Variants in EPHA5 observed in about 807,000 individuals in gnomAD.
The protein encoded by EPHA5 is ephrin type-A receptor 5.
A neutral mutation model predicts 105.0 loss-of-function variants in EPHA5; 60 were observed. The observed-to-expected ratio is 0.57, with a 90% CI of 0.46 to 0.71. The LOEUF (loss-of-function observed/expected upper bound fraction) is 0.71. EPHA5 is among the 30% of genes least tolerant of loss of function. The pLI, the probability that EPHA5 is intolerant of heterozygous loss-of-function variation, is 0.00. For missense variants in EPHA5, 1,218 were observed against 1,274.7 expected (o/e 0.96, Z 0.68); for synonymous variants, 513 against 449.1 (o/e 1.14, Z -1.80).
chr4:65,490,709 G>T lies in EPHA5; in HGVS notation c.1070C>A (p.Pro357His), dbSNP rs1321339471. 1.2e-6 allele frequency: 2 copies of T among 1,611,974 alleles called. No homozygotes were observed. Among genetic ancestry groups the T allele is most frequent in the Non-Finnish European group, 1.7e-6 (2 of 1,178,310 alleles). The part of the protein sequence containing the change: ...SDPPTMACTR[P>H]PSAPRNAISN... ...GATGGCATTCCGAGGAGCAGAGGGGGGTCCTGGTTTACAAAGTAAAGTAAG... is the reference window on the plus strand; with the variant it reads ...GATGGCATTCCGAGGAGCAGAGGGGTGTCCTGGTTTACAAAGTAAAGTAAG... The change falls in exon 5 of 17, where the codon CCC (proline) becomes CAC (histidine). Residue 357 changes from proline (P) to histidine (H), a missense_variant. Physicochemically the swap from Pro to His is moderately conservative, Grantham distance 77. Around this residue, in one of 3 missense-constraint regions of EPHA5, gnomAD observed 971 missense variants for 1,013.5 expected, o/e 0.96. Transcript: ENST00000613740.
At position 65,324,062 on chromosome 4, in the gene EPHA5, C is replaced by G. The variant is rs1037725476; in HGVS notation, c.*52G>C. 8.6e-7 allele frequency: 1 copy of G among 1,168,642 alleles called. No homozygotes were observed. Among genetic ancestry groups the G allele is most frequent in the Non-Finnish European group, 1.3e-6 (1 of 784,162 alleles). The allele number at this position is 1,168,642 out of a possible 1,614,324, so 72.4% of individuals were successfully genotyped here. A position where few individuals can be genotyped will look rare whatever the true frequency, so the allele number is the denominator to read the frequency against. On this transcript the variant is annotated 3_prime_UTR_variant, in exon 17 of 17. Coordinates refer to ENST00000613740, the MANE Select transcript of EPHA5 (RefSeq NM_001281766.3). ...TTTTTTGTTAAAATAAATCTCAGTGCTGTTTACAAAGTGCAGAATCATTCA... is the reference window on the plus strand; with the variant it reads ...TTTTTTGTTAAAATAAATCTCAGTGGTGTTTACAAAGTGCAGAATCATTCA...
chr4:65,596,968 A>G (rs755772099), intron 3 of EPHA5, among the ~76,000 whole-genome samples: 22 of 152,188 alleles, frequency 1.4e-4, no homozygotes, highest in Non-Finnish European at 2.8e-4. Flanking sequence ...ATGCACCAGA[A>G]GTACGAATGA....
intron 2 of EPHA5, among the ~76,000 whole-genome samples, chr4:65,627,750 A>G (rs1484560495): frequency 1.3e-5 from 2 of 152,150 alleles, no homozygotes; most frequent in African/African-American, 2.4e-5. Context: ...CCACACTTCA[A>G]TTATTCATCT....
chr4:65,447,911 T>C (rs776634056), intron 5 of EPHA5, among the ~76,000 whole-genome samples: 12 of 151,772 alleles, frequency 7.9e-5, no homozygotes, highest in East Asian at 1.9e-4. Context: ...CTAACAAAAG[T>C]GTCAAAAGAA....
chr4:65,390,492 C>A (rs938025556), intron 8 of EPHA5, among the ~76,000 whole-genome samples: 1 of 151,904 alleles, frequency 6.6e-6, no homozygotes, highest in Admixed American at 6.6e-5. Flanking sequence ...TTTCTAGGAC[C>A]GGAGAGTATA....
intron 3 of EPHA5, chr4:65,573,963 C>T (rs1273164700): frequency 1.9e-6 from 3 of 1,581,270 alleles, no homozygotes; most frequent in Non-Finnish European, 2.6e-6. Flanking sequence ...CCTGAAGCAG[C>T]TGGCTAGTGG....
chr4:65,537,349 C>A (rs1320157265), intron 3 of EPHA5, among the ~76,000 whole-genome samples: 1 of 151,504 alleles, frequency 6.6e-6, no homozygotes, highest in African/African-American at 2.4e-5. Flanking sequence ...AAAATTACAC[C>A]ACATAGAAAA....
intron 2 of EPHA5, among the ~76,000 whole-genome samples, chr4:65,631,617 G>A (rs1746635329): frequency 6.6e-6 from 1 of 151,912 alleles, no homozygotes; most frequent in Non-Finnish European, 1.5e-5. Flanking sequence ...TATGGGTCAG[G>A]TATTGTGCTG....
At chr4:65,540,271 G>T (rs10015929) in intron 3 of EPHA5, among the ~76,000 whole-genome samples, 17,759 of 151,444 alleles carry the variant, frequency 0.12, 1,508 homozygotes, top group East Asian at 0.3. Flanking sequence ...ATATGCACAT[G>T]AAAACTTATT....
chr4:65,599,767 T>A (rs1394397855), intron 3 of EPHA5, among the ~76,000 whole-genome samples: 6 of 152,178 alleles, frequency 3.9e-5, no homozygotes, highest in Admixed American at 3.3e-4. Context: ...CAATTAAGGT[T>A]CTACTTTTCA....
chr4:65,567,862 G>T (rs1055405802), intron 3 of EPHA5, among the ~76,000 whole-genome samples: 17 of 151,360 alleles, frequency 1.1e-4, no homozygotes, highest in African/African-American at 3.9e-4. Context: ...CAGACTTATA[G>T]TCATCCTTTA....
At chr4:65,641,925 A>G (rs906075831) in intron 2 of EPHA5, among the ~76,000 whole-genome samples, 2 of 152,134 alleles carry the variant, frequency 1.3e-5, no homozygotes, top group Admixed American at 1.3e-4. Context: ...TTTATAAAGC[A>G]ATTAATTGTT....
At chr4:65,652,723 T>A (rs1402897498) in intron 1 of EPHA5, among the ~76,000 whole-genome samples, 1 of 152,138 alleles carries the variant, frequency 6.6e-6, no homozygotes, top group African/African-American at 2.4e-5. Context: ...AGCATCACCA[T>A]AATGCTTCAA....
intron 3 of EPHA5, among the ~76,000 whole-genome samples, chr4:65,583,686 G>C (rs906601595): frequency 6.6e-6 from 1 of 151,532 alleles, no homozygotes; most frequent in Non-Finnish European, 1.5e-5. Flanking sequence ...AATGTGGTCC[G>C]GCACTTTTCC....
chr4:65,391,978 C>T (rs534014798), intron 8 of EPHA5, among the ~76,000 whole-genome samples: 46 of 152,048 alleles, frequency 3.0e-4, no homozygotes, highest in Non-Finnish European at 5.6e-4. Context: ...CTGAGCATTG[C>T]AGCATGTTTA....
intron 8 of EPHA5, among the ~76,000 whole-genome samples, chr4:65,380,235 T>C (rs1026188994): frequency 6.6e-6 from 1 of 151,830 alleles, no homozygotes. Context: ...AATCCAAGTT[T>C]AAAATAGCTT....
intron 15 of EPHA5, among the ~76,000 whole-genome samples, chr4:65,334,517 T>C (rs1448221949): frequency 6.6e-6 from 1 of 151,982 alleles, no homozygotes; most frequent in Non-Finnish European, 1.5e-5. Flanking sequence ...GAATATCATC[T>C]ACATGGTTAT....
intron 5 of EPHA5, among the ~76,000 whole-genome samples, chr4:65,435,966 T>C (rs1725439229): frequency 6.6e-6 from 1 of 152,076 alleles, no homozygotes; most frequent in Admixed American, 6.6e-5. Flanking sequence ...TTTTAAGCAT[T>C]TATTATAATG....
At chr4:65,462,538 T>C in intron 5 of EPHA5, among the ~76,000 whole-genome samples, 1 of 152,150 alleles carries the variant, frequency 6.6e-6, no homozygotes, top group South Asian at 2.1e-4. Flanking sequence ...TTGTCCAAGA[T>C]AGCCTCCTTC....
Sources: allele counts gnomAD v4.1 joint callset (sites outside exome capture counted in the v4.1 genomes callset), GRCh38; gene constraint gnomAD v4.1.1; regional missense constraint gnomAD v4.1.1; transcripts MANE v1.5; gene names NCBI Gene and HGNC (gene_info 2026-07-23, HGNC 2026-07-21).